UNC5C: variants seen among roughly 807,000 people sequenced by gnomAD.
UNC5C encodes netrin receptor UNC5C.
Under a neutral mutation model 99.8 loss-of-function variants are expected in UNC5C, and 47 were observed. That is an observed-to-expected ratio of 0.47 (90% CI 0.37 to 0.60). UNC5C has a LOEUF of 0.60. Among genes scored for constraint, UNC5C ranks in the 20% least tolerant of loss-of-function variants. The pLI is 0.00. For synonymous variants in UNC5C, 487 were observed against 452.2 expected, an observed-to-expected ratio of 1.08 and a Z score of -0.98; for missense variants, 1,062 against 1,165.9, an observed-to-expected ratio of 0.91 and a Z score of 1.30.
chr4:95,531,123 C>T lies in UNC5C; in HGVS notation c.124+17611G>A, dbSNP rs1036817473. On this transcript the variant is annotated intron_variant, in intron 1 of 15. Coordinates refer to ENST00000453304, the MANE Select transcript of UNC5C (RefSeq NM_003728.4). ...GTGTATGGAAGAAAGACTAAGTTAA[C>T]TTGCATTAATGGGATTCTTAAATTT... Among the ~76,000 whole-genome samples, 6 of 152,290 alleles carry T rather than the reference C, an allele frequency of 3.9e-5. No individual in the cohort carries two copies. In the Middle Eastern group the frequency reaches 0.014, roughly 345 times the overall value.
intron 1 of UNC5C, among the ~76,000 whole-genome samples, chr4:95,464,520 C>T (rs1055227790): frequency 6.6e-6 from 1 of 151,998 alleles, no homozygotes; most frequent in Non-Finnish European, 1.5e-5. Flanking sequence ...TAAAATAGAG[C>T]TATTTTAAAT....
intron 2 of UNC5C, among the ~76,000 whole-genome samples, chr4:95,328,527 C>T (rs1376923535): frequency 4.8e-4 from 68 of 141,322 alleles, no homozygotes; most frequent in African/African-American, 1.1e-3. Flanking sequence ...AATAAACATA[C>T]GTGTGCATGT....
intron 1 of UNC5C, among the ~76,000 whole-genome samples, chr4:95,362,493 A>G (rs1744424950): frequency 6.6e-6 from 1 of 152,204 alleles, no homozygotes; most frequent in Admixed American, 6.6e-5. Flanking sequence ...GAATGTGGTC[A>G]GGTCATCATT....
chr4:95,482,135 C>G (rs1293467272), intron 1 of UNC5C, among the ~76,000 whole-genome samples: 1 of 152,006 alleles, frequency 6.6e-6, no homozygotes, highest in East Asian at 1.9e-4. Context: ...TATCCAGAAT[C>G]TACAATGAAC....
intron 1 of UNC5C, among the ~76,000 whole-genome samples, chr4:95,348,307 G>A (rs1743852418): frequency 6.6e-6 from 1 of 151,912 alleles, no homozygotes; most frequent in South Asian, 2.1e-4. Flanking sequence ...CTCATACACT[G>A]TTGGGGGGAA....
chr4:95,265,652 A>G (rs1740416985), intron 4 of UNC5C, among the ~76,000 whole-genome samples: 1 of 152,178 alleles, frequency 6.6e-6, no homozygotes. Context: ...AAAATTATCA[A>G]ATGAGATCAC....
chr4:95,237,635 T>A (rs780992907), intron 7 of UNC5C, among the ~76,000 whole-genome samples: 3 of 152,176 alleles, frequency 2.0e-5, no homozygotes, highest in Admixed American at 1.3e-4. Flanking sequence ...AAACTCTATA[T>A]TCAAACTATG....
At chr4:95,314,724 G>T (rs1484211380) in intron 2 of UNC5C, among the ~76,000 whole-genome samples, 1 of 152,116 alleles carries the variant, frequency 6.6e-6, no homozygotes, top group Admixed American at 6.6e-5. Context: ...GCTATTCAAG[G>T]CTCTTCACAA....
At chr4:95,283,462 T>C (rs776581630) in intron 3 of UNC5C, among the ~76,000 whole-genome samples, 1 of 152,212 alleles carries the variant, frequency 6.6e-6, no homozygotes, top group Non-Finnish European at 1.5e-5. Flanking sequence ...GTAATGAGCA[T>C]AGGATATATC....
chr4:95,335,857 G>A (rs1399007131), intron 1 of UNC5C, among the ~76,000 whole-genome samples: 1 of 151,858 alleles, frequency 6.6e-6, no homozygotes, highest in African/African-American at 2.4e-5. Context: ...GGATAAGTAA[G>A]TTGCCCTGAG....
intron 12 of UNC5C, among the ~76,000 whole-genome samples, chr4:95,185,759 A>G (rs1317115506): frequency 6.6e-6 from 1 of 152,198 alleles, no homozygotes; most frequent in African/African-American, 2.4e-5. Flanking sequence ...TTTGCTTAAA[A>G]TGATTTATGC....
chr4:95,326,390 C>T (rs955908571), intron 2 of UNC5C, among the ~76,000 whole-genome samples: 2 of 152,006 alleles, frequency 1.3e-5, no homozygotes. Context: ...TCTTAGGTAC[C>T]ATGGAAACAA....
At chr4:95,176,916 C>T (rs9992623) in intron 14 of UNC5C, among the ~76,000 whole-genome samples, 4,799 of 151,586 alleles carry the variant, frequency 0.032, 130 homozygotes, top group African/African-American at 0.071. Flanking sequence ...TAGGACCCTC[C>T]GAGCCAGGTG....
intron 1 of UNC5C, among the ~76,000 whole-genome samples, chr4:95,479,442 C>T (rs1721066034): frequency 6.6e-6 from 1 of 151,900 alleles, no homozygotes; most frequent in Non-Finnish European, 1.5e-5. Context: ...GCTATGCACC[C>T]AGGATTGAGA....
intron 1 of UNC5C, among the ~76,000 whole-genome samples, chr4:95,506,976 G>A (rs1172727453): frequency 6.6e-6 from 1 of 151,738 alleles, no homozygotes; most frequent in Non-Finnish European, 1.5e-5. Context: ...TAAATAGTAT[G>A]TGCATATACA....
intron 6 of UNC5C, among the ~76,000 whole-genome samples, chr4:95,243,997 T>C (rs536887996): frequency 3.2e-4 from 49 of 152,348 alleles, no homozygotes; most frequent in African/African-American, 1.2e-3. Flanking sequence ...GGGAGACTGC[T>C]CTGACATTTG....
At chr4:95,411,177 C>T (rs1269983977) in intron 1 of UNC5C, among the ~76,000 whole-genome samples, 1 of 152,156 alleles carries the variant, frequency 6.6e-6, no homozygotes, top group East Asian at 1.9e-4. Context: ...AGATGGATGT[C>T]TTCCAATGTC....
intron 1 of UNC5C, among the ~76,000 whole-genome samples, chr4:95,356,847 C>G (rs532227716): frequency 7.9e-4 from 120 of 152,228 alleles, no homozygotes; most frequent in East Asian, 7.7e-4. Context: ...TAATCTGTTG[C>G]ATAAGTAAAT....
intron 1 of UNC5C, among the ~76,000 whole-genome samples, chr4:95,344,307 G>GA (rs796151452): frequency 4.0e-5 from 6 of 151,328 alleles, no homozygotes; most frequent in South Asian, 2.1e-4. Context: ...AGTGCTGAAG[G>GA]AAAAAAAATC....
Sources: allele counts gnomAD v4.1 joint callset (sites outside exome capture counted in the v4.1 genomes callset), GRCh38; gene constraint gnomAD v4.1.1; transcripts MANE v1.5; gene names NCBI Gene and HGNC (gene_info 2026-07-23, HGNC 2026-07-21).